Variants in NCAM1 observed in about 807,000 individuals in gnomAD.
NCAM1 encodes antigen recognized by monoclonal antibody 5.1H11.
NCAM1 carries 14 observed loss-of-function variants against 109.8 expected under a neutral mutation model. That is an observed-to-expected ratio of 0.13 (90% CI 0.08 to 0.20). The LOEUF is 0.20. NCAM1 is among the 10% of genes least tolerant of loss of function. The pLI is 1.00. For missense variants in NCAM1, 774 were observed against 1,109.9 expected (o/e 0.70, Z 4.30); for synonymous variants, 418 against 442.9 (o/e 0.94, Z 0.70).
intron 1 of NCAM1, among the ~76,000 whole-genome samples, chr11:113,001,583 A>G (rs723599): frequency 0.45 from 68,590 of 151,976 alleles, 16,351 homozygotes; most frequent in East Asian, 0.8. Context: ...TCTGGTTGTG[A>G]AGCTGGCTCT....
chr11:113,205,795 G>C, intron 4 of NCAM1, 129 bp downstream of exon 4: 2 of 1,318,248 alleles, frequency 1.5e-6, no homozygotes, highest in Non-Finnish European at 2.1e-6. Flanking sequence ...GTGGTTTCTG[G>C]GTCCTGAATA....
At chr11:112,972,548 T>TA (rs1950910348) in intron 1 of NCAM1, among the ~76,000 whole-genome samples, 1 of 152,112 alleles carries the variant, frequency 6.6e-6, no homozygotes, top group African/African-American at 2.4e-5. Flanking sequence ...CCAATCTTGT[T>TA]AAAAAACGTC....
chr11:113,039,706 A>G (rs1337347318), intron 1 of NCAM1, among the ~76,000 whole-genome samples: 1 of 152,230 alleles, frequency 6.6e-6, no homozygotes, highest in Non-Finnish European at 1.5e-5. Flanking sequence ...TCCAGGAGAA[A>G]TAAAATTAGA....
At chr11:113,159,150 A>C (rs1334674451) in intron 1 of NCAM1, among the ~76,000 whole-genome samples, 1 of 152,216 alleles carries the variant, frequency 6.6e-6, no homozygotes, top group African/African-American at 2.4e-5. Context: ...TAATCATCTA[A>C]TATCATCGAT....
At chr11:113,240,591 G>A in intron 14 of NCAM1, 1 of 607,140 alleles carries the variant, frequency 1.6e-6, no homozygotes, top group South Asian at 2.0e-5. Flanking sequence ...ACAGTCTCAA[G>A]GTTTGACGTT....
intron 1 of NCAM1, among the ~76,000 whole-genome samples, chr11:113,134,314 T>G (rs551636931): frequency 3.3e-5 from 5 of 152,252 alleles, no homozygotes; most frequent in African/African-American, 4.8e-5. Flanking sequence ...GTAACCGGAT[T>G]TTTTTTCGTT....
At chr11:113,194,525 G>C (rs1298752592) in intron 1 of NCAM1, among the ~76,000 whole-genome samples, 1 of 152,132 alleles carries the variant, frequency 6.6e-6, no homozygotes, top group African/African-American at 2.4e-5. Flanking sequence ...AGTGTAAAGA[G>C]CCCAAGGGTC....
chr11:113,101,992 T>C (rs1939897135), intron 1 of NCAM1, among the ~76,000 whole-genome samples: 1 of 152,212 alleles, frequency 6.6e-6, no homozygotes, highest in South Asian at 2.1e-4. Flanking sequence ...TTAAGAATAC[T>C]GTTATGTTTG....
At chr11:112,991,472 T>G (rs1555070562) in intron 1 of NCAM1, among the ~76,000 whole-genome samples, 1 of 151,582 alleles carries the variant, frequency 6.6e-6, no homozygotes, top group African/African-American at 2.4e-5. Context: ...AAGTGATTTT[T>G]TGCTGTTAAA....
chr11:113,185,555 GTGTAGCAT>G lies in NCAM1; in HGVS notation c.53-16819_53-16812del, dbSNP rs140014730. ...AAATTAACCATCACAATCAGTTTTA[GTGTAGCAT>G]TGTACTTCCTAAAGTGTTACAGGGA... is the stretch of plus-strand genomic sequence containing the variant. On this transcript the variant is annotated intron_variant, in intron 1 of 19. Transcript: ENST00000316851. Among the ~76,000 whole-genome samples, 630 of 152,284 alleles carry G rather than the reference GTGTAGCAT, an allele frequency of 4.1e-3. 3 individuals are homozygous for G. Among genetic ancestry groups the G allele is most frequent in the African/African-American group, 0.014 (599 of 41,556 alleles).
At chr11:113,247,633 T>A (rs935525680) in intron 15 of NCAM1, among the ~76,000 whole-genome samples, 36 of 152,192 alleles carry the variant, frequency 2.4e-4, no homozygotes, top group African/African-American at 8.0e-4. Context: ...TGGACTTGCC[T>A]ATGAGCCATC....
chr11:113,166,984 G>C (rs545702168), intron 1 of NCAM1, among the ~76,000 whole-genome samples: 2 of 152,300 alleles, frequency 1.3e-5, no homozygotes, highest in South Asian at 4.1e-4. Context: ...GCAAAAATTT[G>C]ATTTCTGGCT....
Position 113,275,532 on chromosome 11 carries a change from T to C in NCAM1, c.*145T>C. 1.8e-6 allele frequency: 2 copies of C among 1,105,716 alleles called. No homozygotes were observed. The highest frequency in any genetic ancestry group is 2.2e-4 in the Middle Eastern group (1 of 4,646). 68.5% of individuals were successfully genotyped at this position (1,105,716 alleles called of 1,614,324 possible). A position where few individuals can be genotyped will look rare whatever the true frequency, so the allele number is the denominator to read the frequency against. On this transcript the variant is annotated 3_prime_UTR_variant, in exon 20 of 20. Transcript: ENST00000316851. The stretch of plus-strand genomic sequence containing the variant: ...CACATCTCATTTCTCTAGTGTCTTT[T>C]GCCTTTAAAAAAAACTAAACAGATA...
At chr11:113,250,980 T>C (rs1280917503) in intron 15 of NCAM1, among the ~76,000 whole-genome samples, 1 of 152,108 alleles carries the variant, frequency 6.6e-6, no homozygotes, top group Non-Finnish European at 1.5e-5. Context: ...TTTATTTTTT[T>C]AGTAGAGATG....
intron 1 of NCAM1, among the ~76,000 whole-genome samples, chr11:113,003,073 G>T (rs1439181223): frequency 6.6e-6 from 1 of 152,204 alleles, no homozygotes; most frequent in Non-Finnish European, 1.5e-5. Flanking sequence ...TGGTATTTCA[G>T]ATACCCAGAT....
chr11:113,003,773 G>T (rs1202074963), intron 1 of NCAM1: 2 of 152,196 alleles, frequency 1.3e-5, no homozygotes, highest in Non-Finnish European at 2.9e-5. Context: ...TGAACCAATT[G>T]GGCATCAGAC....
intron 1 of NCAM1, among the ~76,000 whole-genome samples, chr11:113,085,418 C>T (rs1939034869): frequency 6.6e-6 from 1 of 152,196 alleles, no homozygotes; most frequent in Non-Finnish European, 1.5e-5. Flanking sequence ...TTCGTATTAG[C>T]CCCCTTGTGT....
At chr11:113,272,114 C>T (rs1946296149) in intron 19 of NCAM1, among the ~76,000 whole-genome samples, 2 of 151,630 alleles carry the variant, frequency 1.3e-5, no homozygotes, top group Admixed American at 1.3e-4. Flanking sequence ...GTAGGGATCC[C>T]TGGATCCCTA....
Position 113,275,254 on chromosome 11 carries a change from T to C in NCAM1, c.2457-13T>C, listed in dbSNP as rs894025805. On this transcript the variant is annotated splice_polypyrimidine_tract_variant and intron_variant, in intron 19 of 19. Coordinates refer to ENST00000316851, the MANE Select transcript of NCAM1 (RefSeq NM_181351.5). Reference sequence around the variant, plus strand: ...CGTGGTCTCAGTGGTTCTGTTTTCCTGATTCTCTGCAGGAAGGGCCCCGTA... The same window carrying C: ...CGTGGTCTCAGTGGTTCTGTTTTCCCGATTCTCTGCAGGAAGGGCCCCGTA... The C allele has an allele frequency of 2.5e-6, 4 of 1,613,404 alleles. No homozygotes were observed. Among genetic ancestry groups the C allele is most frequent in the Non-Finnish European group, 3.4e-6 (4 of 1,179,712 alleles).
Sources: allele counts gnomAD v4.1 joint callset (sites outside exome capture counted in the v4.1 genomes callset), GRCh38; gene constraint gnomAD v4.1.1; transcripts MANE v1.5; gene names NCBI Gene and HGNC (gene_info 2026-07-23, HGNC 2026-07-21).